ETF1: variants seen among roughly 807,000 people sequenced by gnomAD.
ETF1 encodes the protein eukaryotic translation termination factor 1.
Under a neutral mutation model 55.1 loss-of-function variants are expected in ETF1, and 4 were observed. The ratio of observed to expected loss-of-function variants is 0.07; its 90% confidence interval spans 0.04 to 0.17. ETF1 has a LOEUF of 0.17. Ranked by LOEUF, ETF1 falls within the 10% of genes least tolerant of loss-of-function variation. The pLI is 1.00. For missense variants in ETF1, 142 were observed against 523.6 expected (o/e 0.27, Z 7.11); for synonymous variants, 157 against 182.3 (o/e 0.86, Z 1.12).
At chr5:138,537,642 C>G (rs1406961928) in intron 2 of ETF1, among the ~76,000 whole-genome samples, 3 of 152,038 alleles carry the variant, frequency 2.0e-5, no homozygotes, top group Non-Finnish European at 4.4e-5. Flanking sequence ...GGCTGGAGTG[C>G]AGTGGCGCAA....
In ETF1 at chr5:138,519,859, T is replaced by C. The variant is rs1735482946; in HGVS notation, c.87-992A>G. Among the ~76,000 whole-genome samples the C allele has an allele frequency of 2.0e-5, 3 of 152,086 alleles. No individual in the cohort carries two copies. In the South Asian group the frequency reaches 6.3e-4, roughly 32 times the overall value. On this transcript the variant is annotated intron_variant, in intron 2 of 10. Transcript: ENST00000360541. ...ATGGAAGATTTTGGTTTTTTAACTT[T>C]TTAATAATAACAATGCTGATGTGTG... is the stretch of plus-strand genomic sequence containing the variant.
At chr5:138,511,875 A>T in intron 6 of ETF1, 6 of 985,118 alleles carry the variant, frequency 6.1e-6, no homozygotes, top group Non-Finnish European at 7.2e-6. Flanking sequence ...GAAAGGGGGG[A>T]CCACTGGCTC....
chr5:138,514,737 G>A (rs1424947734), intron 4 of ETF1, among the ~76,000 whole-genome samples: 1 of 151,828 alleles, frequency 6.6e-6, no homozygotes, highest in African/African-American at 2.4e-5. Flanking sequence ...TAAAGGTATT[G>A]CAGCTAATGA....
chr5:138,532,415 T>C lies in ETF1; in HGVS notation c.86+10418A>G, dbSNP rs778954000. Reference sequence around the variant, plus strand: ...TGTTTCTACTTACTTCACAAGATCATGAGGATTCTACGAGATCATATATGT... The same window carrying C: ...TGTTTCTACTTACTTCACAAGATCACGAGGATTCTACGAGATCATATATGT... On this transcript the variant is annotated intron_variant, in intron 2 of 10. Coordinates refer to ENST00000360541, the MANE Select transcript of ETF1 (RefSeq NM_004730.4). Among the ~76,000 whole-genome samples the C allele has an allele frequency of 3.6e-4, 55 of 152,164 alleles. 1 individual carries two copies. The highest frequency in any genetic ancestry group is 1.3e-3 in the African/African-American group (55 of 41,428).
intron 2 of ETF1, among the ~76,000 whole-genome samples, chr5:138,528,004 T>A (rs1218806972): frequency 1.3e-5 from 2 of 152,112 alleles, no homozygotes; most frequent in Non-Finnish European, 2.9e-5. Context: ...ACTCCCGACC[T>A]CAGGTGATCC....
intron 7 of ETF1, 63 bp from the exon 8 acceptor site, chr5:138,511,263 C>T: frequency 4.4e-6 from 7 of 1,578,286 alleles, no homozygotes; most frequent in East Asian, 2.2e-5. Context: ...ACAAACACAC[C>T]TATTCGACCT....
intron 10 of ETF1, 119 bp downstream of exon 10, chr5:138,508,550 G>A (rs535493817): frequency 7.1e-6 from 11 of 1,555,948 alleles, no homozygotes; most frequent in African/African-American, 2.7e-5. Context: ...CACCTGCTGC[G>A]TCAATCACCT....
chr5:138,535,580 C>T (rs1765888484), intron 2 of ETF1, among the ~76,000 whole-genome samples: 1 of 151,314 alleles, frequency 6.6e-6, no homozygotes, highest in African/African-American at 2.4e-5. Context: ...AATTAGCCGG[C>T]TGTGGTGGCG....
At chr5:138,519,384 C>T (rs1765142625) in intron 2 of ETF1, among the ~76,000 whole-genome samples, 1 of 151,960 alleles carries the variant, frequency 6.6e-6, no homozygotes. Flanking sequence ...TCTCTCTCGG[C>T]CGGGCACGAT....
At chr5:138,510,782 T>C in intron 8 of ETF1, 153 bp from the exon 9 acceptor site, 1 of 702,618 alleles carries the variant, frequency 1.4e-6, no homozygotes. Flanking sequence ...GAGTGTCTAC[T>C]AGGTACAATG....
intron 2 of ETF1, among the ~76,000 whole-genome samples, chr5:138,537,084 A>G (rs957100639): frequency 7.9e-5 from 12 of 152,226 alleles, no homozygotes; most frequent in Non-Finnish European, 1.8e-4. Context: ...AGTGCATAGA[A>G]CACCATGCCA....
intron 2 of ETF1, among the ~76,000 whole-genome samples, chr5:138,530,082 C>G (rs1765634278): frequency 6.6e-6 from 1 of 151,784 alleles, no homozygotes; most frequent in African/African-American, 2.4e-5. Flanking sequence ...CCATCATCAA[C>G]AATGCTCAAG....
intron 2 of ETF1, among the ~76,000 whole-genome samples, chr5:138,538,396 G>T (rs995533531): frequency 5.3e-5 from 8 of 151,962 alleles, no homozygotes; most frequent in Admixed American, 4.6e-4. Flanking sequence ...CACCATGTTG[G>T]CTAGGCTGGT....
rs144756269 is a variant in ETF1 at position 138,519,031 on chromosome 5, TAC to T, written c.87-166_87-165del. The T allele has an allele frequency of 3.3e-4, 322 of 982,742 alleles. 2 individuals are homozygous for T. The African/African-American group carries it at 5.4e-3, about 17-fold the overall frequency. 60.9% of individuals were successfully genotyped at this position (982,742 alleles called of 1,614,324 possible). On this transcript the variant is annotated intron_variant, in intron 2 of 10. Transcript: ENST00000360541. ...TATATTAGTCTTGTTTATGAACGTATACACAGAGTTAGGAACAGTGTTCAGAA... is the reference window on the plus strand; with the variant it reads ...TATATTAGTCTTGTTTATGAACGTATACAGAGTTAGGAACAGTGTTCAGAA...
Position 138,543,225 on chromosome 5 carries a change from G to A in ETF1, c.-147C>T, listed in dbSNP as rs1371011530. ...TGCATGTGTTGCAATCCGCTCACAT[G>A]GGGCCTGTGACATCACTTCCTCCGC... is the stretch of plus-strand genomic sequence containing the variant. On this transcript the variant is annotated 5_prime_UTR_variant, in exon 1 of 11. Coordinates refer to ENST00000360541, the MANE Select transcript of ETF1 (RefSeq NM_004730.4). 8.8e-6 allele frequency: 4 copies of A among 454,208 alleles called. No individual in the cohort carries two copies. The highest frequency in any genetic ancestry group is 7.8e-6 in the Non-Finnish European group (2 of 255,560). The allele number at this position is 454,208 out of a possible 1,614,324, so 28.1% of individuals were successfully genotyped here.
chr5:138,518,982 C>T, intron 2 of ETF1, 115 bp from the exon 3 acceptor site: 1 of 1,523,752 alleles, frequency 6.6e-7, no homozygotes, highest in Non-Finnish European at 8.8e-7. Flanking sequence ...AAACAGGTCA[C>T]TCTCAAAGGA....
chr5:138,526,449 G>A (rs1765476535), intron 2 of ETF1, among the ~76,000 whole-genome samples: 1 of 152,124 alleles, frequency 6.6e-6, no homozygotes, highest in South Asian at 2.1e-4. Flanking sequence ...ATTGGGAAGG[G>A]ATCTCATTAA....
rs1765130023 is a variant in ETF1 at position 138,519,011 on chromosome 5, T to A, written c.87-144A>T. Reference sequence around the variant, plus strand: ...CAAAGGAGTAATGTAGGGACTATATTAGTCTTGTTTATGAACGTATACACA... The same window carrying A: ...CAAAGGAGTAATGTAGGGACTATATAAGTCTTGTTTATGAACGTATACACA... On this transcript the variant is annotated intron_variant, in intron 2 of 10. Coordinates refer to ENST00000360541, the MANE Select transcript of ETF1 (RefSeq NM_004730.4). 5 of 1,454,900 alleles carry A rather than the reference T, an allele frequency of 3.4e-6. No homozygotes were observed. The South Asian group carries it at 4.4e-5, about 13-fold the overall frequency. The allele number at this position is 1,454,900 out of a possible 1,614,324, so 90.1% of individuals were successfully genotyped here. A position where few individuals can be genotyped will look rare whatever the true frequency, so the allele number is the denominator to read the frequency against.
intron 6 of ETF1, among the ~76,000 whole-genome samples, chr5:138,512,235 T>A (rs1249272506): frequency 0.051 from 336 of 6,574 alleles, 1 homozygote; most frequent in East Asian, 0.13. Context: ...AATATATATA[T>A]ATATATATAT....
Sources: allele counts gnomAD v4.1 joint callset (sites outside exome capture counted in the v4.1 genomes callset), GRCh38; gene constraint gnomAD v4.1.1; transcripts MANE v1.5; gene names NCBI Gene and HGNC (gene_info 2026-07-23, HGNC 2026-07-21).